PAX5: variants seen among roughly 807,000 people sequenced by gnomAD.
PAX5 encodes paired box 5.
In PAX5, 9 loss-of-function variants were observed where a neutral mutation model predicts 43.7. The ratio of observed to expected loss-of-function variants is 0.21; its 90% CI spans 0.12 to 0.36. PAX5 has a LOEUF of 0.36. Among genes scored for constraint, PAX5 ranks in the 10% least tolerant of loss-of-function variants. The pLI, the probability that PAX5 is intolerant of heterozygous loss-of-function variation, is 1.00. For synonymous variants in PAX5, 228 were observed against 214.3 expected, an observed-to-expected ratio of 1.06 and a Z score of -0.56; for missense variants, 383 against 532.7, an observed-to-expected ratio of 0.72 and a Z score of 2.77.
intron 9 of PAX5, 74 bp from the exon 10 acceptor site, chr9:36,840,710 T>G (rs1171237345): frequency 2.0e-5 from 18 of 903,766 alleles, no homozygotes; most frequent in Non-Finnish European, 3.1e-5. Flanking sequence ...ACTTCTGTCC[T>G]TTCCTCCCCT....
At chr9:36,986,081 C>G (rs1054620945) in intron 5 of PAX5, among the ~76,000 whole-genome samples, 1 of 152,048 alleles carries the variant, frequency 6.6e-6, no homozygotes, top group African/African-American at 2.4e-5. Context: ...GCCCGGCACC[C>G]CCGTCCGGCG....
At chr9:36,846,140 T>C (rs924406713) in intron 9 of PAX5, among the ~76,000 whole-genome samples, 17 of 152,174 alleles carry the variant, frequency 1.1e-4, no homozygotes, top group African/African-American at 4.1e-4. Flanking sequence ...GTAAGGTCAG[T>C]CCAACAAAAC....
Position 36,837,319 on chromosome 9 carries a change from C to T in PAX5, c.*3241G>A. ...CAATGTCAGTTATGGAAGGGCTAGCCTTAACTAAGGTGCCTTGGGAAAGGG... is the reference window on the plus strand; with the variant it reads ...CAATGTCAGTTATGGAAGGGCTAGCTTTAACTAAGGTGCCTTGGGAAAGGG... On this transcript the variant is annotated 3_prime_UTR_variant, in exon 10 of 10. Transcript: ENST00000358127. 4.3e-6 allele frequency: 1 copy of T among 233,278 alleles called. No individual in the cohort carries two copies. 14.5% of individuals were successfully genotyped at this position (233,278 alleles called of 1,614,324 possible).
chr9:37,024,137 A>C (rs980165716), intron 1 of PAX5, among the ~76,000 whole-genome samples: 3 of 152,196 alleles, frequency 2.0e-5, no homozygotes, highest in Non-Finnish European at 2.9e-5. Context: ...AAATGGGTGA[A>C]GCTGAAGGTT....
intron 7 of PAX5, among the ~76,000 whole-genome samples, chr9:36,911,491 C>G (rs1829286545): frequency 6.6e-6 from 1 of 152,240 alleles, no homozygotes; most frequent in African/African-American, 2.4e-5. Context: ...AGCCCAGCAT[C>G]TTCCATGGAA....
intron 6 of PAX5, among the ~76,000 whole-genome samples, chr9:36,955,478 G>T (rs954370929): frequency 2.0e-5 from 3 of 151,816 alleles, no homozygotes; most frequent in African/African-American, 7.3e-5. Context: ...TTTCCCTACT[G>T]CCTCCTTCAG....
At chr9:36,990,781 T>C (rs949633235) in intron 5 of PAX5, among the ~76,000 whole-genome samples, 6 of 152,188 alleles carry the variant, frequency 3.9e-5, no homozygotes, top group Non-Finnish European at 7.4e-5. Context: ...TTCTAAGCAG[T>C]GAAGATGGTG....
rs148370148 is a variant in PAX5 at position 37,022,110 on chromosome 9, C to A, written c.47-1309G>T. On this transcript the variant is annotated intron_variant, in intron 1 of 9. Coordinates refer to ENST00000358127, the MANE Select transcript of PAX5 (RefSeq NM_016734.3). ...ATGTATTTCCTAAAAACTGTCCAAG[C>A]AATCCACTCAAGTTTCCCATGAATA... is the stretch of plus-strand genomic sequence containing the variant. 3.9e-5 allele frequency among the ~76,000 whole-genome samples: 6 copies of A among 152,252 alleles called. No homozygotes were observed. In the East Asian group the frequency reaches 1.2e-3, roughly 29 times the overall value.
intron 8 of PAX5, among the ~76,000 whole-genome samples, chr9:36,851,276 C>T (rs1823135759): frequency 6.6e-6 from 1 of 152,074 alleles, no homozygotes; most frequent in African/African-American, 2.4e-5. Context: ...AACTGAGGCC[C>T]TAAACGTAAT....
intron 8 of PAX5, among the ~76,000 whole-genome samples, chr9:36,848,350 C>CACACACA: frequency 7.3e-6 from 1 of 136,464 alleles, no homozygotes; most frequent in East Asian, 2.2e-4. Flanking sequence ...CAGAGCGTGT[C>CACACACA]CACACACACA....
intron 5 of PAX5, among the ~76,000 whole-genome samples, chr9:36,969,370 G>T (rs1465062725): frequency 6.6e-6 from 1 of 152,116 alleles, no homozygotes; most frequent in African/African-American, 2.4e-5. Flanking sequence ...TCTCCCCCGG[G>T]ACTCATGGGC....
intron 5 of PAX5, among the ~76,000 whole-genome samples, chr9:36,968,821 G>T (rs1834677750): frequency 6.6e-6 from 1 of 152,190 alleles, no homozygotes; most frequent in South Asian, 2.1e-4. Context: ...TAGCAGGTAT[G>T]GGAGCTCACG....
Position 36,957,862 on chromosome 9 carries a change from T to C in PAX5, c.780+8687A>G, listed in dbSNP as rs1833618068. Among the ~76,000 whole-genome samples, 3 of 152,286 alleles carry C rather than the reference T, an allele frequency of 2.0e-5. No homozygotes were observed. In the South Asian group the frequency reaches 6.2e-4, roughly 32 times the overall value. On this transcript the variant is annotated intron_variant, in intron 6 of 9. Transcript: ENST00000358127. ...GTCAACGCAAACTACGAAATTCTTA[T>C]TCTCATCAAGAGTTGAGCTGATGCA...
intron 7 of PAX5, among the ~76,000 whole-genome samples, chr9:36,918,710 C>A (rs1829907001): frequency 1.3e-5 from 2 of 152,088 alleles, no homozygotes; most frequent in Non-Finnish European, 2.9e-5. Context: ...TTCCCTTTAA[C>A]AAAAGCCTAA....
At chr9:36,868,714 T>G (rs1825141288) in intron 8 of PAX5, among the ~76,000 whole-genome samples, 1 of 152,016 alleles carries the variant, frequency 6.6e-6, no homozygotes, top group South Asian at 2.1e-4. Flanking sequence ...CAATTTCCTC[T>G]CAGTCTCCAT....
intron 8 of PAX5, among the ~76,000 whole-genome samples, chr9:36,849,936 CTGAGTGTAGGGAGCCCTCACCCCA>C (rs1822988128): frequency 6.6e-6 from 1 of 152,212 alleles, no homozygotes. Flanking sequence ...AAGAAGCTGT[CTGAGTGTAGGGAGCCCTCACCCCA>C]TGAGATCCGG....
At chr9:36,852,491 AG>A (rs2131612766) in intron 8 of PAX5, among the ~76,000 whole-genome samples, 1 of 152,284 alleles carries the variant, frequency 6.6e-6, no homozygotes, top group East Asian at 1.9e-4. Context: ...TAGCCTTCGG[AG>A]GAAAAAAATG....
intron 7 of PAX5, among the ~76,000 whole-genome samples, chr9:36,900,775 A>C (rs1054892132): frequency 6.6e-6 from 1 of 151,950 alleles, no homozygotes; most frequent in African/African-American, 2.4e-5. Context: ...ACCTGTGTCC[A>C]TGCCCCCAGT....
intron 5 of PAX5, among the ~76,000 whole-genome samples, chr9:36,997,769 C>T (rs1385816679): frequency 2.0e-5 from 3 of 152,238 alleles, no homozygotes; most frequent in Non-Finnish European, 4.4e-5. Context: ...CCCAGGCATC[C>T]GTGTGAACCG....
Sources: gnomAD v4.1 joint callset for allele counts (sites outside exome capture counted in the v4.1 genomes callset) on GRCh38, gnomAD v4.1.1 for gene constraint, MANE v1.5 for transcripts, NCBI Gene and HGNC (gene_info 2026-07-23, HGNC 2026-07-21) for gene names.